The following HID1 variants were observed in gnomAD, a reference collection of about 807,000 sequenced individuals.
The protein encoded by HID1 is HID1 domain containing.
HID1 carries 42 observed loss-of-function variants against 89.7 expected under a neutral mutation model. The ratio of observed to expected loss-of-function variants is 0.47; its 90% CI spans 0.37 to 0.61. The LOEUF (loss-of-function observed/expected upper bound fraction) is 0.61. Ranked by LOEUF, HID1 falls within the 20% of genes least tolerant of loss-of-function variation. The pLI, the probability that HID1 is intolerant of heterozygous loss-of-function variation, is 0.00. For missense variants in HID1, 854 were observed against 1,039.3 expected (o/e 0.82, Z 2.45); for synonymous variants, 442 against 433.8 (o/e 1.02, Z -0.24).
At chr17:74,961,787 C>T in intron 6 of HID1, 86 bp downstream of exon 6, 5 of 764,812 alleles carry the variant, frequency 6.5e-6, no homozygotes, top group Non-Finnish European at 9.9e-6. Flanking sequence ...TCCCCTCAAA[C>T]GAGACCCAGA....
intron 16 of HID1, 139 bp downstream of exon 16, chr17:74,952,867 A>G (rs2039326239): frequency 3.0e-6 from 2 of 659,218 alleles, no homozygotes; most frequent in East Asian, 2.8e-5. Flanking sequence ...TCAGGCTTCT[A>G]TGCTAGGGTC....
intron 1 of HID1, among the ~76,000 whole-genome samples, chr17:74,971,641 G>A (rs2144836215): frequency 6.6e-6 from 1 of 152,332 alleles, no homozygotes; most frequent in Non-Finnish European, 1.5e-5. Context: ...AGCAGGTCCT[G>A]TGTCCCCTGA....
intron 6 of HID1, among the ~76,000 whole-genome samples, chr17:74,961,235 G>C (rs192470345): frequency 5.6e-4 from 85 of 152,074 alleles, no homozygotes; most frequent in African/African-American, 2.0e-3. Context: ...GGGTATATTG[G>C]GTTATATGAA....
At chr17:74,956,062 C>T in intron 12 of HID1, 106 bp from the exon 13 acceptor site, 1 of 1,170,224 alleles carries the variant, frequency 8.5e-7, no homozygotes, top group Non-Finnish European at 1.2e-6. Context: ...CCCTCCCTGC[C>T]CCCTGCAGAG....
In HID1 at chr17:74,951,545, A is replaced by G; in HGVS notation, c.*25T>C. On this transcript the variant is annotated 3_prime_UTR_variant, in exon 19 of 19. Coordinates refer to ENST00000425042, the MANE Select transcript of HID1 (RefSeq NM_030630.3). ...GGACCAAGGCCCTGCCTTCCCCTAG[A>G]CTGAGCCCCTCGTCGGCTTCATCCT... 6.2e-7 allele frequency: 1 copy of G among 1,602,800 alleles called. No homozygotes were observed. The highest frequency in any genetic ancestry group is 8.5e-7 in the Non-Finnish European group (1 of 1,174,300).
chr17:74,962,028 T>C lies in HID1; in HGVS notation c.612-39A>G. 6.9e-7 allele frequency: 1 copy of C among 1,451,940 alleles called. No homozygotes were observed. Among genetic ancestry groups the C allele is most frequent in the Non-Finnish European group, 9.3e-7 (1 of 1,075,766 alleles). The allele number at this position is 1,451,940 out of a possible 1,614,324, so 89.9% of individuals were successfully genotyped here. A position where few individuals can be genotyped will look rare whatever the true frequency, so the allele number is the denominator to read the frequency against. ...GGGGGAGGGCACCTTAGGATCCCAG[T>C]CCCCTCTTGGAGGTTCTGCCCACCC... On this transcript the variant is annotated intron_variant, in intron 5 of 18. Coordinates refer to ENST00000425042, the MANE Select transcript of HID1 (RefSeq NM_030630.3). This position sits in a 1 kb window ranked among gnomAD's most constrained non-coding sequence, Gnocchi z 4.3.
Position 74,958,217 on chromosome 17 carries a change from C to T in HID1, c.1395G>A (p.Val465=), listed in dbSNP as rs764065627. Residue 465 remains valine, a splice_region_variant and synonymous_variant, in exon 12 of 19, where the codon GTG becomes GTA. Transcript: ENST00000425042. The surrounding 1 kb of genome is among the most constrained non-coding windows in gnomAD (Gnocchi z 5.2). ...TGTHADLLIV[V]FHKIITSGHQ... ...GCCCGCTGGTGATGATCTTGTGGAACACCTGTGCCAGGAGGGACAGAGGCA... is the reference window on the plus strand; with the variant it reads ...GCCCGCTGGTGATGATCTTGTGGAATACCTGTGCCAGGAGGGACAGAGGCA... 8 of 1,610,266 alleles carry T rather than the reference C, an allele frequency of 5.0e-6. No individual in the cohort carries two copies. In the African/African-American group the frequency reaches 5.3e-5, roughly 11 times the overall value.
In HID1 at chr17:74,958,188, T is replaced by G; in HGVS notation, c.1424A>C (p.Gln475Pro). ...GCAGTCGAAGAGGGGCTGCAACCGC[T>G]GGTGCCCGCTGGTGATGATCTTGTG... Reference protein sequence around the residue: ...VFHKIITSGHQRLQPLFDCLL... With the variant: ...VFHKIITSGHPRLQPLFDCLL... The change falls in exon 12 of 19, where the codon CAG (glutamine) becomes CCG (proline). Residue 475 changes from glutamine (Q) to proline (P), a missense_variant. Gln to Pro is a moderately conservative substitution (Grantham distance 76). Coordinates refer to ENST00000425042, the MANE Select transcript of HID1 (RefSeq NM_030630.3). This position sits in a 1 kb window ranked among gnomAD's most constrained non-coding sequence, Gnocchi z 5.2. 1 of 1,611,314 alleles carries G rather than the reference T, an allele frequency of 6.2e-7. No homozygotes were observed. The highest frequency in any genetic ancestry group is 2.2e-5 in the East Asian group (1 of 44,780).
intron 12 of HID1, among the ~76,000 whole-genome samples, chr17:74,957,426 G>GAGAT (rs2039406581): frequency 6.6e-6 from 1 of 151,988 alleles, no homozygotes; most frequent in Admixed American, 6.6e-5. Context: ...GCAGTGAATG[G>GAGAT]AGATTGTGCC....
In HID1 at chr17:74,972,657, G is replaced by T. The variant is rs1439534624; in HGVS notation, c.-1C>A. 6.5e-7 allele frequency: 1 copy of T among 1,545,972 alleles called. No homozygotes were observed. Among genetic ancestry groups the T allele is most frequent in the Non-Finnish European group, 8.7e-7 (1 of 1,144,484 alleles). ...TCAGCTTGGAGTCGGTCGACCCCAT[G>T]TCTCTGGAGCCCGCTCCGGCCCGGC... On this transcript the variant is annotated 5_prime_UTR_variant, in exon 1 of 19. Coordinates refer to ENST00000425042, the MANE Select transcript of HID1 (RefSeq NM_030630.3). This position sits in a 1 kb window ranked among gnomAD's most constrained non-coding sequence, Gnocchi z 6.4.
chr17:74,964,462 G>A (rs1370043611), intron 2 of HID1, 21 bp downstream of exon 2: 1 of 1,602,996 alleles, frequency 6.2e-7, no homozygotes, highest in Non-Finnish European at 8.5e-7. Context: ...AGAGTAGCAG[G>A]AGGGACTGGG....
chr17:74,964,512 G>A lies in HID1; in HGVS notation c.187C>T (p.Pro63Ser). 1.2e-6 allele frequency: 2 copies of A among 1,610,386 alleles called. No homozygotes were observed. Among genetic ancestry groups the A allele is most frequent in the Non-Finnish European group, 8.5e-7 (1 of 1,178,636 alleles). The stretch of plus-strand genomic sequence containing the variant: ...TAGCACAGGGTGGCCAAGTTGGAGG[G>A]TGACTCTTCCCGCACGGCCCGGATC... ...AEIRAVREESPSNLATLCYKA... is the reference protein window; with the variant it reads ...AEIRAVREESSSNLATLCYKA... Residue 63 changes from proline (P) to serine (S), a missense_variant, in exon 2 of 19, where the codon CCC (proline) becomes TCC (serine). Transcript: ENST00000425042.
At chr17:74,964,132 A>G in intron 2 of HID1, 1 of 601,554 alleles carries the variant, frequency 1.7e-6, no homozygotes, top group South Asian at 2.0e-5. Context: ...GCATCAGGAC[A>G]GCCAGGGCCC....
intron 1 of HID1, 112 bp from the exon 2 acceptor site, chr17:74,964,744 T>A: frequency 8.8e-7 from 1 of 1,136,406 alleles, no homozygotes; most frequent in East Asian, 2.6e-5. Context: ...TCCCCCTACC[T>A]GCTGGGGTCC....
intron 1 of HID1, among the ~76,000 whole-genome samples, chr17:74,966,688 G>A (rs1281751478): frequency 1.3e-5 from 2 of 152,156 alleles, no homozygotes; most frequent in African/African-American, 4.8e-5. Context: ...GGTGGCTCAT[G>A]TCTGTAATCC....
In HID1 at chr17:74,958,231, G is replaced by A; in HGVS notation, c.1393-12C>T. The A allele has an allele frequency of 6.2e-7, 1 of 1,609,584 alleles. No homozygotes were observed. Among genetic ancestry groups the A allele is most frequent in the East Asian group, 2.2e-5 (1 of 44,696 alleles). On this transcript the variant is annotated splice_polypyrimidine_tract_variant and intron_variant, in intron 11 of 18. Coordinates refer to ENST00000425042, the MANE Select transcript of HID1 (RefSeq NM_030630.3). The surrounding 1 kb of genome is among the most constrained non-coding windows in gnomAD (Gnocchi z 5.2). ...ATCTTGTGGAACACCTGTGCCAGGA[G>A]GGACAGAGGCACCGTGGGGTCCCCG...
At position 74,964,642 on chromosome 17, in the gene HID1, GA is replaced by G; in HGVS notation, c.67-11del. ...CGGTGGCTTCCACGGGCTGTGGGGG[GA>G]CCAAGGGTCCAGAGTTACACAACTC... On this transcript the variant is annotated splice_polypyrimidine_tract_variant and intron_variant, in intron 1 of 18. Transcript: ENST00000425042. 2 of 1,609,206 alleles carry G rather than the reference GA, an allele frequency of 1.2e-6. No individual in the cohort carries two copies. The highest frequency in any genetic ancestry group is 1.7e-6 in the Non-Finnish European group (2 of 1,178,322).
chr17:74,962,061 C>A lies in HID1; in HGVS notation c.612-72G>T. The A allele has an allele frequency of 1.6e-6, 2 of 1,252,516 alleles. No homozygotes were observed. The highest frequency in any genetic ancestry group is 2.2e-6 in the Non-Finnish European group (2 of 913,000). 77.6% of individuals were successfully genotyped at this position (1,252,516 alleles called of 1,614,324 possible). ...TGGAGGTTCTGCCCACCCAGCCCAG[C>A]GCCCCAGCCCAGGTCCATGGAAGGA... is the stretch of plus-strand genomic sequence containing the variant. On this transcript the variant is annotated intron_variant, in intron 5 of 18. Coordinates refer to ENST00000425042, the MANE Select transcript of HID1 (RefSeq NM_030630.3). This position sits in a 1 kb window ranked among gnomAD's most constrained non-coding sequence, Gnocchi z 4.3.
At chr17:74,953,520 G>A (rs766437681) in intron 15 of HID1, 25 bp downstream of exon 15, 61 of 1,598,400 alleles carry the variant, frequency 3.8e-5, no homozygotes, top group Admixed American at 2.2e-4. Flanking sequence ...AGCCACGCCC[G>A]GCTCCAGGAG....
Sources: allele counts gnomAD v4.1 joint callset (sites outside exome capture counted in the v4.1 genomes callset), GRCh38; gene constraint gnomAD v4.1.1; non-coding constraint Gnocchi (gnomAD v3.1); transcripts MANE v1.5; gene names NCBI Gene and HGNC (gene_info 2026-07-23, HGNC 2026-07-21).